Variants in VPS8 observed in about 807,000 individuals in gnomAD.
VPS8 encodes the protein VPS8 subunit of CORVET complex.
A neutral mutation model predicts 216.4 loss-of-function variants in VPS8; 129 were observed. The ratio of observed to expected loss-of-function variants is 0.60; its 90% CI spans 0.52 to 0.69. The LOEUF (loss-of-function observed/expected upper bound fraction) is 0.69, where lower values mean the gene tolerates loss of function less well. Among genes scored for constraint, VPS8 ranks in the 30% least tolerant of loss-of-function variants. The probability of loss-of-function intolerance (pLI) is 0.00; values close to 1 mark genes in which losing one functional copy is unlikely to be tolerated. For missense variants in VPS8, 1,531 were observed against 1,683.5 expected (o/e 0.91, Z 1.59); for synonymous variants, 571 against 565.4 (o/e 1.01, Z -0.14).
chr3:184,824,333 C>G, intron 1 of VPS8: 1 of 253,012 alleles, frequency 4.0e-6, no homozygotes, highest in East Asian at 7.4e-5. Flanking sequence ...TCCTAAAGTC[C>G]TTGAGCCCAA....
intron 42 of VPS8, among the ~76,000 whole-genome samples, chr3:184,986,306 T>C (rs542245982): frequency 2.0e-5 from 3 of 152,222 alleles, no homozygotes; most frequent in Admixed American, 2.0e-4. Flanking sequence ...GCTCAGAACA[T>C]AGGATAAGAA....
chr3:185,003,519 A>G (rs1577121220), intron 45 of VPS8, among the ~76,000 whole-genome samples: 1 of 149,694 alleles, frequency 6.7e-6, no homozygotes, highest in East Asian at 1.9e-4. Flanking sequence ...TTTTCTTAGT[A>G]CAGAACAAAA....
chr3:184,913,536 G>A lies in VPS8; in HGVS notation c.2164G>A (p.Gly722Ser), dbSNP rs1736954413. ...KTLTDEQVVMGNKLLVYISCC... is the reference protein window; with the variant it reads ...KTLTDEQVVMSNKLLVYISCC... ...TATTTTAGATGAACAAGTTGTTATG[G>A]GCAATAAGCTCCTTGTATATATTAG... The change falls in exon 26 of 48, where the codon GGC (glycine) becomes AGC (serine). Residue 722 changes from glycine (G) to serine (S), a missense_variant. Physicochemically the swap from Gly to Ser is moderately conservative, Grantham distance 56. Coordinates refer to ENST00000625842, the MANE Select transcript of VPS8 (RefSeq NM_001009921.3). 6.3e-7 allele frequency: 1 copy of A among 1,586,796 alleles called. No homozygotes were observed. Among genetic ancestry groups the A allele is most frequent in the Admixed American group, 1.8e-5 (1 of 55,434 alleles).
chr3:184,888,265 G>A (rs947280170), intron 22 of VPS8, among the ~76,000 whole-genome samples: 3 of 152,182 alleles, frequency 2.0e-5, no homozygotes, highest in Non-Finnish European at 4.4e-5. Context: ...TGGGATTACA[G>A]GCATGAGCCG....
Position 184,990,066 on chromosome 3 carries a change from G to A in VPS8, c.3586-3917G>A, listed in dbSNP as rs148185032. 4.5e-3 allele frequency among the ~76,000 whole-genome samples: 683 copies of A among 151,876 alleles called. 15 individuals carry two copies. Among genetic ancestry groups the A allele is most frequent in the East Asian group, 0.034 (174 of 5,150 alleles). ...CCAGCCTGGGCGACAGAGCAAGACT[G>A]TCTACAAAAAAAAAGAAAAAAGAAA... On this transcript the variant is annotated intron_variant, in intron 42 of 47. Transcript: ENST00000625842.
At chr3:184,958,226 C>T (rs980629575) in intron 37 of VPS8, among the ~76,000 whole-genome samples, 1 of 152,054 alleles carries the variant, frequency 6.6e-6, no homozygotes, top group Non-Finnish European at 1.5e-5. Flanking sequence ...GGAACAAATT[C>T]GGGTACATTG....
intron 44 of VPS8, among the ~76,000 whole-genome samples, chr3:184,998,414 G>A (rs1752906805): frequency 7.0e-6 from 1 of 143,398 alleles, no homozygotes; most frequent in Admixed American, 7.1e-5. Flanking sequence ...TTAAAGCTAT[G>A]GAACCTGGAA....
chr3:184,966,878 T>G (rs7652351), intron 39 of VPS8, among the ~76,000 whole-genome samples, 165 bp downstream of exon 39: 21,195 of 152,262 alleles, frequency 0.14, 2,053 homozygotes, highest in African/African-American at 0.27. Flanking sequence ...TTTCAAGAGT[T>G]CACAACAGGA....
chr3:184,818,831 T>G (rs1716922690), intron 1 of VPS8, among the ~76,000 whole-genome samples: 1 of 152,144 alleles, frequency 6.6e-6, no homozygotes, highest in Non-Finnish European at 1.5e-5. Context: ...AACAGGATCA[T>G]GGAGCTTGAG....
At chr3:185,045,227 T>G (rs964533445) in intron 46 of VPS8, among the ~76,000 whole-genome samples, 1 of 47,364 alleles carries the variant, frequency 2.1e-5, no homozygotes, top group Non-Finnish European at 4.0e-5. Context: ...TCTTCTCATG[T>G]GTTAGTGTAG....
intron 46 of VPS8, among the ~76,000 whole-genome samples, chr3:185,047,725 C>T (rs1713254389): frequency 1.3e-5 from 2 of 152,034 alleles, no homozygotes; most frequent in Admixed American, 6.6e-5. Context: ...AAGCATTACC[C>T]CTTCCTTCCC....
chr3:184,956,442 T>G (rs1288985271), intron 36 of VPS8, among the ~76,000 whole-genome samples: 1 of 152,258 alleles, frequency 6.6e-6, no homozygotes, highest in Non-Finnish European at 1.5e-5. Context: ...CCATGTGCTT[T>G]AACCTTTCTT....
At chr3:185,023,095 A>G (rs926871427) in intron 45 of VPS8, among the ~76,000 whole-genome samples, 11 of 152,338 alleles carry the variant, frequency 7.2e-5, no homozygotes, top group Admixed American at 7.2e-4. Flanking sequence ...GACTCTACCC[A>G]TCACCACCAA....
chr3:184,907,580 T>G (rs1024174576), intron 25 of VPS8, among the ~76,000 whole-genome samples: 1 of 152,216 alleles, frequency 6.6e-6, no homozygotes, highest in Non-Finnish European at 1.5e-5. Context: ...TGACCTTCAG[T>G]GACCCTTAAT....
At chr3:184,849,379 C>A (rs1189274012) in intron 9 of VPS8, 184 bp downstream of exon 9, 2 of 609,108 alleles carry the variant, frequency 3.3e-6, no homozygotes, top group African/African-American at 2.0e-5. Flanking sequence ...TATCGACTGA[C>A]CCAGAGTCTG....
intron 1 of VPS8, among the ~76,000 whole-genome samples, chr3:184,819,546 C>T (rs1717089879): frequency 6.6e-6 from 1 of 152,096 alleles, no homozygotes; most frequent in Non-Finnish European, 1.5e-5. Flanking sequence ...TATTAAGCAT[C>T]ATATAGTAAG....
chr3:184,844,485 G>A (rs1308411230), intron 8 of VPS8, among the ~76,000 whole-genome samples: 1 of 151,770 alleles, frequency 6.6e-6, no homozygotes, highest in East Asian at 1.9e-4. Flanking sequence ...GTGAATATTG[G>A]CCAATAAAGG....
intron 40 of VPS8, 155 bp from the exon 41 acceptor site, chr3:184,982,411 A>G: frequency 1.8e-6 from 1 of 545,286 alleles, no homozygotes; most frequent in Non-Finnish European, 3.1e-6. Flanking sequence ...TGCCCCAAAT[A>G]TTTCCATTTT....
At chr3:184,984,346 T>C (rs1577063639) in intron 42 of VPS8, among the ~76,000 whole-genome samples, 1 of 144,194 alleles carries the variant, frequency 6.9e-6, no homozygotes, top group Non-Finnish European at 1.5e-5. Flanking sequence ...CAGGCTGGAG[T>C]GCAATGGTGT....
Sources: gnomAD v4.1 joint callset for allele counts (sites outside exome capture counted in the v4.1 genomes callset) on GRCh38, gnomAD v4.1.1 for gene constraint, MANE v1.5 for transcripts, NCBI Gene and HGNC (gene_info 2026-07-23, HGNC 2026-07-21) for gene names.